The following SSBP3 variants were observed in gnomAD, a reference collection of about 807,000 sequenced individuals.
SSBP3 encodes the protein single stranded DNA binding protein 3.
SSBP3 carries 5 observed loss-of-function variants against 69.6 expected under a neutral mutation model. The ratio of observed to expected loss-of-function variants is 0.07; its 90% CI spans 0.04 to 0.15. The LOEUF (loss-of-function observed/expected upper bound fraction) is 0.15. Ranked by LOEUF, SSBP3 falls within the 10% of genes least tolerant of loss-of-function variation. The pLI is 1.00. For missense variants in SSBP3, 312 were observed against 534.0 expected, an observed-to-expected ratio of 0.58 and a Z score of 4.10; for synonymous variants, 196 against 193.4, an observed-to-expected ratio of 1.01 and a Z score of -0.11.
chr1:54,314,699 A>C lies in SSBP3; in HGVS notation c.277-33172T>G, dbSNP rs75152934. On this transcript the variant is annotated intron_variant, in intron 4 of 17. Coordinates refer to ENST00000610401, the Ensembl canonical transcript of SSBP3. ...ACCTCAAAGGGCTCTTAAGGAAAAGAGTTGTTCTTTTTGTGGAACTGGTCT... is the reference window on the plus strand; with the variant it reads ...ACCTCAAAGGGCTCTTAAGGAAAAGCGTTGTTCTTTTTGTGGAACTGGTCT... Among the ~76,000 whole-genome samples the C allele has an allele frequency of 2.6e-5, 4 of 152,188 alleles. No homozygotes were observed. The East Asian group carries it at 7.7e-4, about 29-fold the overall frequency.
At chr1:54,400,885 A>G (rs554219116) in intron 4 of SSBP3, among the ~76,000 whole-genome samples, 1 of 152,322 alleles carries the variant, frequency 6.6e-6, no homozygotes, top group East Asian at 1.9e-4. Context: ...GTGGGACCCA[A>G]TGACGTTCAA....
At chr1:54,379,392 G>A (rs902411102) in intron 4 of SSBP3, among the ~76,000 whole-genome samples, 6 of 152,218 alleles carry the variant, frequency 3.9e-5, no homozygotes, top group African/African-American at 7.2e-5. Context: ...GCACCAGGAC[G>A]GGGACGTCTG....
chr1:54,398,653 C>T (rs2100800609), intron 4 of SSBP3, among the ~76,000 whole-genome samples: 1 of 152,318 alleles, frequency 6.6e-6, no homozygotes, highest in African/African-American at 2.4e-5. Flanking sequence ...CTTTTGTCAA[C>T]ACTCTGAGAT....
At chr1:54,409,810 A>G (rs1649941995), upstream of SSBP3, among the ~76,000 whole-genome samples, 1 of 151,854 alleles carries the variant, frequency 6.6e-6, no homozygotes, top group South Asian at 2.1e-4. Flanking sequence ...CCTGCTATAT[A>G]CCATACGCTG....
intron 5 of SSBP3, among the ~76,000 whole-genome samples, chr1:54,274,647 G>A (rs72910061): frequency 2.0e-3 from 310 of 152,198 alleles, no homozygotes; most frequent in African/African-American, 6.9e-3. Context: ...TCACCCAGCC[G>A]CCACTCCTGC....
intron 4 of SSBP3, among the ~76,000 whole-genome samples, chr1:54,358,680 A>G (rs1487418298): frequency 6.6e-6 from 1 of 152,160 alleles, no homozygotes; most frequent in African/African-American, 2.4e-5. Context: ...GTACCATCCT[A>G]GCTGGACAGC....
At chr1:54,240,103 TGC>T (rs1491201641) in intron 13 of SSBP3, among the ~76,000 whole-genome samples, 9,070 of 22,010 alleles carry the variant, frequency 0.41, 880 homozygotes, top group African/African-American at 0.52. Flanking sequence ...CGCGCGCGTG[TGC>T]GTGCGCGCGC....
chr1:54,411,155 G>GT (rs1649979853), upstream of SSBP3, among the ~76,000 whole-genome samples: 2 of 152,142 alleles, frequency 1.3e-5, no homozygotes, highest in African/African-American at 2.4e-5. Flanking sequence ...GTTTTGTTTT[G>GT]TTTTTTTCCT....
intron 14 of SSBP3, among the ~76,000 whole-genome samples, chr1:54,234,971 CAAACTTA>C (rs1351828994): frequency 6.6e-6 from 1 of 152,178 alleles, no homozygotes; most frequent in African/African-American, 2.4e-5. Flanking sequence ...GGAATATAGT[CAAACTTA>C]AAATCCATTT....
At chr1:54,298,142 C>T (rs190291263) in intron 4 of SSBP3, among the ~76,000 whole-genome samples, 12 of 152,288 alleles carry the variant, frequency 7.9e-5, no homozygotes, top group African/African-American at 2.6e-4. Context: ...ATTTAATTGG[C>T]CTCTTGGTTA....
intron 14 of SSBP3, chr1:54,238,923 G>A (rs546381304): frequency 1.1e-4 from 43 of 388,598 alleles, no homozygotes; most frequent in East Asian, 3.5e-4. Flanking sequence ...GGTGGGCATC[G>A]TCCCACCCCT....
chr1:54,376,602 G>A (rs1647246130), intron 4 of SSBP3, among the ~76,000 whole-genome samples: 1 of 152,316 alleles, frequency 6.6e-6, no homozygotes, highest in African/African-American at 2.4e-5. Flanking sequence ...TAAAATCTCA[G>A]CCAGGTGACA....
chr1:54,402,273 G>A (rs1302788466), intron 3 of SSBP3, among the ~76,000 whole-genome samples: 2 of 152,174 alleles, frequency 1.3e-5, no homozygotes, highest in African/African-American at 2.4e-5. Context: ...GAAGCTCCAA[G>A]GGGTTAGTAG....
intron 5 of SSBP3, among the ~76,000 whole-genome samples, chr1:54,272,693 G>A (rs1645216292): frequency 6.6e-6 from 1 of 152,214 alleles, no homozygotes; most frequent in Non-Finnish European, 1.5e-5. Flanking sequence ...TACAGTGCTG[G>A]GAGAACTGCC....
intron 5 of SSBP3, among the ~76,000 whole-genome samples, chr1:54,281,047 G>GCA (rs1256252607): frequency 6.6e-6 from 1 of 152,186 alleles, no homozygotes; most frequent in Non-Finnish European, 1.5e-5. Flanking sequence ...GACAAAAGCA[G>GCA]CAGCAACAAA....
upstream of SSBP3, among the ~76,000 whole-genome samples, chr1:54,410,592 C>T (rs1274184090): frequency 6.6e-6 from 1 of 152,196 alleles, no homozygotes; most frequent in Non-Finnish European, 1.5e-5. Flanking sequence ...ACCTTCGGGC[C>T]GGTCAGCTCT....
chr1:54,246,208 A>T (rs1327621297), intron 9 of SSBP3, among the ~76,000 whole-genome samples: 1 of 152,230 alleles, frequency 6.6e-6, no homozygotes, highest in Non-Finnish European at 1.5e-5. Context: ...TTGGGACGTC[A>T]GCAGCAGAAC....
chr1:54,390,264 T>C (rs1648389652), intron 4 of SSBP3, among the ~76,000 whole-genome samples: 1 of 152,120 alleles, frequency 6.6e-6, no homozygotes, highest in Non-Finnish European at 1.5e-5. Flanking sequence ...CATAATGCTG[T>C]CGTTTAGAAA....
chr1:54,316,666 AAAT>A (rs1234355358), intron 4 of SSBP3, among the ~76,000 whole-genome samples: 2,333 of 15,922 alleles, frequency 0.15, 360 homozygotes, highest in East Asian at 0.39. Context: ...AAAATAAAAT[AAAT>A]AAATAAATAA....
Sources: gnomAD v4.1 joint callset for allele counts (sites outside exome capture counted in the v4.1 genomes callset) on GRCh38, gnomAD v4.1.1 for gene constraint, MANE v1.5 for transcripts, NCBI Gene and HGNC (gene_info 2026-07-23, HGNC 2026-07-21) for gene names.